The following MEGF11 variants were observed in gnomAD, a reference collection of about 807,000 sequenced individuals.
The protein encoded by MEGF11 is multiple EGF like domains 11.
In MEGF11, 126 loss-of-function variants were observed where a neutral mutation model predicts 146.6. The ratio of observed to expected loss-of-function variants is 0.86; its 90% CI spans 0.74 to 1.00. The LOEUF (loss-of-function observed/expected upper bound fraction) is 1.00, where lower values mean the gene tolerates loss of function less well. Ranked by LOEUF, MEGF11 falls within the 50% of genes least tolerant of loss-of-function variation. The probability of loss-of-function intolerance (pLI) is 0.00; values close to 1 mark genes in which losing one functional copy is unlikely to be tolerated. For synonymous variants in MEGF11, 532 were observed against 583.4 expected (o/e 0.91, Z 1.27); for missense variants, 1,509 against 1,521.2 (o/e 0.99, Z 0.13).
intron 4 of MEGF11, 141 bp from the exon 5 acceptor site, chr15:66,094,635 A>G (rs2072365080): frequency 1.5e-6 from 1 of 647,610 alleles, no homozygotes; most frequent in Middle Eastern, 2.9e-4. Context: ...GGGGGGGAAA[A>G]TCAAGCTACA....
chr15:66,065,659 C>T (rs1165253917), intron 5 of MEGF11, among the ~76,000 whole-genome samples: 1 of 152,226 alleles, frequency 6.6e-6, no homozygotes, highest in Non-Finnish European at 1.5e-5. Context: ...GAGGACACTG[C>T]CGAGTGTGGC....
At chr15:66,064,084 T>C (rs1463005890) in intron 5 of MEGF11, among the ~76,000 whole-genome samples, 1 of 152,080 alleles carries the variant, frequency 6.6e-6, no homozygotes, top group East Asian at 1.9e-4. Flanking sequence ...CAAAACAAAA[T>C]ACTGGCTGGG....
intron 10 of MEGF11, among the ~76,000 whole-genome samples, chr15:65,936,086 G>A (rs958053155): frequency 4.6e-5 from 7 of 152,156 alleles, no homozygotes; most frequent in African/African-American, 1.7e-4. Flanking sequence ...AGTCTACATG[G>A]GTTGGCATTG....
intron 5 of MEGF11, among the ~76,000 whole-genome samples, chr15:66,016,862 T>C (rs1410238021): frequency 6.6e-6 from 1 of 152,206 alleles, no homozygotes; most frequent in Non-Finnish European, 1.5e-5. Context: ...AAGGGATGCC[T>C]ATAGAGACAG....
chr15:66,064,850 G>T lies in MEGF11; in HGVS notation c.394+29552C>A, dbSNP rs945899044. On this transcript the variant is annotated intron_variant, in intron 5 of 25. Transcript: ENST00000395614. ...GGCCTTGTGAGATGATTTTTATATG[G>T]TTTTTTAAGTGCTATTGTTCCATCA... is the stretch of plus-strand genomic sequence containing the variant. Among the ~76,000 whole-genome samples, 8 of 152,054 alleles carry T rather than the reference G, an allele frequency of 5.3e-5. No homozygotes were observed. The South Asian group carries it at 8.3e-4, about 16-fold the overall frequency.
At chr15:66,221,772 A>G (rs1371691356) in intron 1 of MEGF11, among the ~76,000 whole-genome samples, 1 of 152,086 alleles carries the variant, frequency 6.6e-6, no homozygotes, top group Non-Finnish European at 1.5e-5. Context: ...CCCCCTGAGA[A>G]TTAAACTTTG....
intron 1 of MEGF11, among the ~76,000 whole-genome samples, chr15:66,150,638 A>G (rs1286882495): frequency 1.3e-5 from 2 of 152,006 alleles, no homozygotes; most frequent in African/African-American, 4.8e-5. Flanking sequence ...GGAAGGAAGG[A>G]AGGAAGGAAG....
At chr15:66,103,230 T>C (rs1231785775) in intron 4 of MEGF11, among the ~76,000 whole-genome samples, 1 of 152,210 alleles carries the variant, frequency 6.6e-6, no homozygotes, top group East Asian at 1.9e-4. Flanking sequence ...CCTCCAGAGA[T>C]GCCAGACACA....
intron 5 of MEGF11, among the ~76,000 whole-genome samples, chr15:65,987,714 A>T (rs191014308): frequency 1.7e-4 from 26 of 151,622 alleles, no homozygotes; most frequent in Non-Finnish European, 2.6e-4. Context: ...TTTCTATTTT[A>T]TTATTTTTAT....
At chr15:66,249,423 A>G (rs1178161248) in intron 1 of MEGF11, among the ~76,000 whole-genome samples, 1 of 152,196 alleles carries the variant, frequency 6.6e-6, no homozygotes, top group East Asian at 1.9e-4. Flanking sequence ...CAATTATAAC[A>G]CTGCTATAAT....
intron 5 of MEGF11, among the ~76,000 whole-genome samples, chr15:66,044,716 G>T (rs1342870659): frequency 6.6e-6 from 1 of 151,742 alleles, no homozygotes; most frequent in Non-Finnish European, 1.5e-5. Flanking sequence ...AGCCAGGTGT[G>T]GTGGCAGGTG....
chr15:66,054,854 A>G (rs928889164), intron 5 of MEGF11, among the ~76,000 whole-genome samples: 14 of 152,198 alleles, frequency 9.2e-5, no homozygotes, highest in African/African-American at 3.4e-4. Flanking sequence ...AAACGAAGGA[A>G]AGAGAGGGAG....
chr15:66,018,916 G>A (rs974540952), intron 5 of MEGF11, among the ~76,000 whole-genome samples: 3 of 152,260 alleles, frequency 2.0e-5, no homozygotes, highest in African/African-American at 7.2e-5. Context: ...CTAAGGTGAG[G>A]AGGAGAAACG....
Position 65,918,097 on chromosome 15 carries a change from G to A in MEGF11, c.1958-3C>T, listed in dbSNP as rs2079061198. ...CCCAAAGTATCCTCCAGCACACACT[G>A]TGGGCACAGGGCAGCCTGGCACCCA... is the stretch of plus-strand genomic sequence containing the variant. On this transcript the variant is annotated splice_region_variant and splice_polypyrimidine_tract_variant and intron_variant, in intron 15 of 25. Transcript: ENST00000395614. 3 of 1,613,710 alleles carry A rather than the reference G, an allele frequency of 1.9e-6. No individual in the cohort carries two copies. Among genetic ancestry groups the A allele is most frequent in the Non-Finnish European group, 2.5e-6 (3 of 1,179,870 alleles).
intron 1 of MEGF11, among the ~76,000 whole-genome samples, chr15:66,153,238 T>C (rs912695001): frequency 6.6e-6 from 1 of 152,148 alleles, no homozygotes; most frequent in Non-Finnish European, 1.5e-5. Context: ...GCTGGTCCCA[T>C]CTCAAGGCAA....
chr15:65,998,544 T>A (rs150012757), intron 5 of MEGF11, among the ~76,000 whole-genome samples: 1 of 152,090 alleles, frequency 6.6e-6, no homozygotes, highest in Non-Finnish European at 1.5e-5. Flanking sequence ...TTCCCCTCAT[T>A]GTTATTTATG....
intron 10 of MEGF11, among the ~76,000 whole-genome samples, chr15:65,947,805 A>G (rs1250137820): frequency 2.0e-5 from 3 of 152,306 alleles, no homozygotes; most frequent in Non-Finnish European, 4.4e-5. Flanking sequence ...ATCTGCTCCA[A>G]TAGCTTCTTT....
Position 65,980,895 on chromosome 15 carries a change from G to C in MEGF11, c.645C>G (p.Cys215Trp). 1 of 1,578,362 alleles carries C rather than the reference G, an allele frequency of 6.3e-7. No homozygotes were observed. The highest frequency in any genetic ancestry group is 8.6e-7 in the Non-Finnish European group (1 of 1,163,348). Reference sequence around the variant, plus strand: ...GGCTCCCAGGAGGGCACAGCTCCTCGCAGCTGCATGGAGAAGCAGAGGTGT... The same window carrying C: ...GGCTCCCAGGAGGGCACAGCTCCTCCCAGCTGCATGGAGAAGCAGAGGTGT... ...LCAPGYTGVYCEELCPPGSHG... is the reference protein window; with the variant it reads ...LCAPGYTGVYWEELCPPGSHG... Residue 215 changes from cysteine (C) to tryptophan (W), a missense_variant, in exon 7 of 26, where the codon TGC becomes TGG. By Grantham distance (215) the Cys-to-Trp change is radical. Coordinates refer to ENST00000395614, the MANE Select transcript of MEGF11 (RefSeq NM_001385028.1).
At chr15:65,964,336 G>A (rs1214232860) in intron 9 of MEGF11, among the ~76,000 whole-genome samples, 2 of 152,218 alleles carry the variant, frequency 1.3e-5, no homozygotes, top group Admixed American at 1.3e-4. Flanking sequence ...CTGATAAAGG[G>A]CTGCCCCTGT....
Sources: gnomAD v4.1 joint callset for allele counts (sites outside exome capture counted in the v4.1 genomes callset) on GRCh38, gnomAD v4.1.1 for gene constraint, MANE v1.5 for transcripts, NCBI Gene and HGNC (gene_info 2026-07-23, HGNC 2026-07-21) for gene names.